The following NUDC variants were observed in gnomAD, a reference collection of about 807,000 sequenced individuals.
NUDC encodes the protein nuclear migration protein nudC.
In NUDC, 14 loss-of-function variants were observed where a neutral mutation model predicts 45.0. The ratio of observed to expected loss-of-function variants is 0.31; its 90% CI spans 0.21 to 0.49. The LOEUF is 0.49. Ranked by LOEUF, NUDC falls within the 20% of genes least tolerant of loss-of-function variation. The probability of loss-of-function intolerance (pLI) is 0.99; values close to 1 mark genes in which losing one functional copy is unlikely to be tolerated. For missense variants in NUDC, 323 were observed against 426.2 expected (o/e 0.76, Z 2.13); for synonymous variants, 153 against 156.7 (o/e 0.98, Z 0.17).
chr1:26,908,103 C>T (rs527430777), intron 2 of NUDC, among the ~76,000 whole-genome samples: 4 of 152,110 alleles, frequency 2.6e-5, no homozygotes, highest in Admixed American at 6.5e-5. Flanking sequence ...TGCTTGAACC[C>T]GGGAGGCGGA....
At chr1:26,922,213 T>C (rs2082097467) in intron 1 of NUDC, 1 of 526,760 alleles carries the variant, frequency 1.9e-6, no homozygotes, top group East Asian at 3.4e-5. Context: ...GTTTCCACTT[T>C]GATGGCGGCT....
At chr1:26,937,290 G>T (rs1473955211) in intron 2 of NUDC, among the ~76,000 whole-genome samples, 1 of 152,014 alleles carries the variant, frequency 6.6e-6, no homozygotes, top group Non-Finnish European at 1.5e-5. Context: ...TTTGAGACAG[G>T]TTCTCACTCT....
intron 8 of NUDC, among the ~76,000 whole-genome samples, 185 bp downstream of exon 8, chr1:26,945,871 G>A (rs778744690): frequency 1.3e-5 from 2 of 152,126 alleles, no homozygotes; most frequent in African/African-American, 4.8e-5. Context: ...TGAGGGCAAG[G>A]CCGGCTCATG....
At chr1:26,909,741 G>A (rs1243853760) in intron 2 of NUDC, among the ~76,000 whole-genome samples, 1 of 152,094 alleles carries the variant, frequency 6.6e-6, no homozygotes, top group Non-Finnish European at 1.5e-5. Flanking sequence ...GTTACACGGG[G>A]TGGTATGTGC....
At position 26,946,021 on chromosome 1, in the gene NUDC, T is replaced by A. The variant is rs1008129861; in HGVS notation, c.945-109T>A. 2.8e-6 allele frequency: 3 copies of A among 1,085,470 alleles called. No homozygotes were observed. The African/African-American group carries it at 4.7e-5, about 17-fold the overall frequency. 67.2% of individuals were successfully genotyped at this position (1,085,470 alleles called of 1,614,324 possible). A position where few individuals can be genotyped will look rare whatever the true frequency, so the allele number is the denominator to read the frequency against. On this transcript the variant is annotated intron_variant, in intron 8 of 8. Transcript: ENST00000321265. ...GGGCCCTGCTCCTGCCCAGCCTGGC[T>A]TGGTGTTGCTGAGGTCTAAAGAGAT...
chr1:26,934,809 C>G (rs970509992), intron 2 of NUDC, among the ~76,000 whole-genome samples: 1 of 151,514 alleles, frequency 6.6e-6, no homozygotes, highest in Non-Finnish European at 1.5e-5. Context: ...AGGCACCCCC[C>G]ACCATGCCCG....
At chr1:26,931,625 A>T (rs2082184738) in intron 2 of NUDC, among the ~76,000 whole-genome samples, 1 of 150,140 alleles carries the variant, frequency 6.7e-6, no homozygotes, top group South Asian at 2.1e-4. Flanking sequence ...CTAAAAATAC[A>T]AAAATTAGCC....
At chr1:26,925,133 G>A (rs1255922368) in intron 2 of NUDC, among the ~76,000 whole-genome samples, 4 of 151,518 alleles carry the variant, frequency 2.6e-5, no homozygotes, top group Admixed American at 6.6e-5. Context: ...CACCCACCTC[G>A]GCCTCCTAAA....
chr1:26,905,137 CTATTATTATTAT>C (rs1298871467), intron 2 of NUDC, among the ~76,000 whole-genome samples: 3 of 123,730 alleles, frequency 2.4e-5, no homozygotes, highest in East Asian at 4.9e-4. Flanking sequence ...TGAGCCTGGC[CTATTATTATTAT>C]TATTATTATT....
rs369768223 is a variant in NUDC at position 26,942,930 on chromosome 1, C to T, written c.606C>T (p.Ile202=). 87 of 1,613,872 alleles carry T rather than the reference C, an allele frequency of 5.4e-5. No individual in the cohort carries two copies. The highest frequency in any genetic ancestry group is 7.0e-5 in the Non-Finnish European group (83 of 1,180,028). Residue 202 remains isoleucine, a synonymous_variant, in exon 6 of 9, where the codon ATC becomes ATT. Transcript: ENST00000321265. ...RLKGKDMVVD[I]QRRHLRVGLK... ...AAGGGAAGGACATGGTGGTGGACAT[C>T]CAGCGGCGGCACCTCCGGGTGGGGC...
chr1:26,942,677 G>T lies in NUDC; in HGVS notation c.447G>T (p.Glu149Asp). ...SPGKQDTEED[E>D]EEDEKDKGKL... is the part of the protein sequence containing the mutation. ...GTAAGCAGGATACTGAGGAAGATGA[G>T]GAGGAAGATGAGAAGGACAAAGGAA... The change falls in exon 5 of 9, where the codon GAG becomes GAT. Residue 149 changes from glutamate (E) to aspartate (D), a missense_variant. Around this residue, in one of 3 missense-constraint regions of NUDC, gnomAD observed 245 missense variants for 278.8 expected, o/e 0.88. Coordinates refer to ENST00000321265, the MANE Select transcript of NUDC (RefSeq NM_006600.4). 6.2e-7 allele frequency: 1 copy of T among 1,613,682 alleles called. No individual in the cohort carries two copies. Among genetic ancestry groups the T allele is most frequent in the Non-Finnish European group, 8.5e-7 (1 of 1,179,700 alleles).
chr1:26,912,551 TTAC>T (rs965139006), intron 3 of NUDC, among the ~76,000 whole-genome samples: 1 of 152,204 alleles, frequency 6.6e-6, no homozygotes, highest in Non-Finnish European at 1.5e-5. Flanking sequence ...TTACAATTAA[TTAC>T]TACGATTTAT....
rs796368735 is a variant in NUDC at position 26,931,377 on chromosome 1, C to CTTT, written c.159+7232_159+7234dup. Among the ~76,000 whole-genome samples, 169 of 76,930 alleles carry CTTT rather than the reference C, an allele frequency of 2.2e-3. 4 individuals carry two copies. The highest frequency in any genetic ancestry group is 2.9e-3 in the Non-Finnish European group (111 of 38,250). 50.5% of individuals were successfully genotyped at this position (76,930 alleles called of 152,430 possible). A position where few individuals can be genotyped will look rare whatever the true frequency, so the allele number is the denominator to read the frequency against. Reference sequence around the variant, plus strand: ...ACAGGCATGAACCACTGCGCCTGGCCTTTTTTTTTTTTTTTTTTTTTTTGA... The same window carrying CTTT: ...ACAGGCATGAACCACTGCGCCTGGCCTTTTTTTTTTTTTTTTTTTTTTTTTTGA... On this transcript the variant is annotated intron_variant, in intron 2 of 8. Transcript: ENST00000321265.
rs554502070 is a variant in NUDC, at chr1:26,943,028, T to C, written c.704T>C (p.Ile235Thr). The stretch of plus-strand genomic sequence containing the variant: ...AAGGTGGAGGAGAGCTCGTGGCTCA[T>C]TGAGGACGGCAAGGTGGTGACTGTG... Reference protein sequence around the residue: ...EVKVEESSWLIEDGKVVTVHL... With the variant: ...EVKVEESSWLTEDGKVVTVHL... Residue 235 changes from isoleucine to threonine, a missense_variant, in exon 6 of 9, where the codon ATT (isoleucine) becomes ACT (threonine). Ile to Thr is a moderately conservative substitution (Grantham distance 89, BLOSUM62 -1). Transcript: ENST00000321265. The C allele has an allele frequency of 4.3e-6, 7 of 1,614,116 alleles. No individual in the cohort carries two copies. Among genetic ancestry groups the C allele is most frequent in the Admixed American group, 1.7e-5 (1 of 60,022 alleles).
chr1:26,911,497 T>C (rs2082026112), intron 3 of NUDC: 1 of 352,446 alleles, frequency 2.8e-6, no homozygotes, highest in South Asian at 2.3e-5. Context: ...AAGTGTTTCA[T>C]ACCTTTTATT....
At chr1:26,908,954 G>A (rs1158290526) in intron 2 of NUDC, among the ~76,000 whole-genome samples, 6 of 146,760 alleles carry the variant, frequency 4.1e-5, no homozygotes, top group African/African-American at 1.5e-4. Context: ...CTTGAACTCC[G>A]ACCTCGTGAT....
chr1:26,922,061 C>T, intron 1 of NUDC, 132 bp downstream of exon 1: 1 of 942,606 alleles, frequency 1.1e-6, no homozygotes, highest in Non-Finnish European at 1.6e-6. Context: ...TCTCACTGCG[C>T]CCAGCTTCCG....
chr1:26,915,416 C>T (rs183479806), intron 3 of NUDC, among the ~76,000 whole-genome samples: 47 of 152,304 alleles, frequency 3.1e-4, no homozygotes, highest in African/African-American at 1.1e-3. Flanking sequence ...CGTGGCTCCT[C>T]TGTCCCGGGC....
intron 1 of NUDC, 168 bp downstream of exon 1, chr1:26,922,097 A>C (rs1570721927): frequency 1.4e-6 from 1 of 700,598 alleles, no homozygotes; most frequent in East Asian, 2.7e-5. Context: ...AGCAGGTCTC[A>C]CCCGGTTCGC....
Sources: gnomAD v4.1 joint callset for allele counts (sites outside exome capture counted in the v4.1 genomes callset) on GRCh38, gnomAD v4.1.1 for gene constraint, gnomAD v4.1.1 regional missense constraint, MANE v1.5 for transcripts, NCBI Gene and HGNC (gene_info 2026-07-23, HGNC 2026-07-21) for gene names.